Variants in IK observed in about 807,000 individuals in gnomAD.
IK encodes the protein protein Red.
In IK, 47 loss-of-function variants were observed where a neutral mutation model predicts 90.9. The observed-to-expected ratio is 0.52, with a 90% CI of 0.41 to 0.66. IK has a LOEUF of 0.66. Among genes scored for constraint, IK ranks in the 30% least tolerant of loss-of-function variants. The pLI is 0.00. For missense variants in IK, 385 were observed against 709.3 expected, an observed-to-expected ratio of 0.54 and a Z score of 5.19; for synonymous variants, 201 against 227.5, an observed-to-expected ratio of 0.88 and a Z score of 1.05.
At chr5:140,650,137 C>T (rs2149805247) in intron 2 of IK, among the ~76,000 whole-genome samples, 2 of 152,300 alleles carry the variant, frequency 1.3e-5, no homozygotes, top group South Asian at 4.2e-4. Context: ...CACCCCCATA[C>T]CTAACCAAGT....
intron 9 of IK, among the ~76,000 whole-genome samples, chr5:140,656,861 A>G (rs1410897571): frequency 6.6e-6 from 1 of 152,048 alleles, no homozygotes; most frequent in Non-Finnish European, 1.5e-5. Context: ...GGCCTTATTC[A>G]TTCTTTCTAT....
Position 140,659,102 on chromosome 5 carries a change from C to T in IK, c.1114C>T (p.Arg372Ter), listed in dbSNP as rs775332024. The T allele has an allele frequency of 6.8e-6, 11 of 1,610,022 alleles. No individual in the cohort carries two copies. Among genetic ancestry groups the T allele is most frequent in the African/African-American group, 1.3e-5 (1 of 74,786 alleles). The change falls in exon 12 of 20, where the codon CGA (arginine) becomes TGA (stop). Residue 372 changes from arginine (R) to a stop codon, truncating the protein, a stop_gained. Transcript: ENST00000417647. LOFTEE classifies it high-confidence loss of function. ...RDRERERERDREREEEKKRHS... is the reference protein window; with the variant it reads ...RDRERERERD Reference sequence around the variant, plus strand: ...TCGGGAACGAGAGCGAGAGCGGGACCGAGAGAGAGAAGAGGAAAAGAAGAG... The same window carrying T: ...TCGGGAACGAGAGCGAGAGCGGGACTGAGAGAGAGAAGAGGAAAAGAAGAG...
intron 2 of IK, among the ~76,000 whole-genome samples, chr5:140,650,544 T>A (rs568908535): frequency 2.0e-5 from 3 of 152,336 alleles, no homozygotes; most frequent in Admixed American, 1.3e-4. Flanking sequence ...CTCCAGCTAA[T>A]AAACGCTTAG....
intron 2 of IK, among the ~76,000 whole-genome samples, chr5:140,649,569 C>A (rs1033689471): frequency 2.0e-5 from 3 of 151,322 alleles, no homozygotes; most frequent in Non-Finnish European, 4.4e-5. Flanking sequence ...ATCTTTTCCT[C>A]CCGTTGCCCA....
At chr5:140,657,470 T>C in intron 9 of IK, 84 bp from the exon 10 acceptor site, 1 of 942,992 alleles carries the variant, frequency 1.1e-6, no homozygotes, top group Non-Finnish European at 1.6e-6. Flanking sequence ...TGTAATTCAG[T>C]CTTTAGTTTG....
At chr5:140,654,424 A>G (rs890388273) in intron 6 of IK, 92 bp from the exon 7 acceptor site, 37 of 971,882 alleles carry the variant, frequency 3.8e-5, no homozygotes, top group Non-Finnish European at 5.6e-5. Flanking sequence ...CATGTTTAAT[A>G]TTATATTCTT....
chr5:140,648,192 C>T lies in IK; in HGVS notation c.16+268C>T, dbSNP rs528931052. The T allele has an allele frequency of 1.7e-5, 12 of 704,454 alleles. No individual in the cohort carries two copies. The East Asian group carries it at 3.2e-4, about 19-fold the overall frequency. 43.6% of individuals were successfully genotyped at this position (704,454 alleles called of 1,614,324 possible). On this transcript the variant is annotated intron_variant, in intron 1 of 19. Transcript: ENST00000417647. The stretch of plus-strand genomic sequence containing the variant: ...GTGGATCGCTTTCCCCCAGTCCTGT[C>T]CCCATACTTAATCCTGGGTTGCGCG...
At chr5:140,648,793 C>G in intron 2 of IK, 1 of 458,020 alleles carries the variant, frequency 2.2e-6, no homozygotes, top group Non-Finnish European at 3.9e-6. Flanking sequence ...ATAGGAATTA[C>G]TTCTTCCAAT....
intron 8 of IK, 63 bp downstream of exon 8, chr5:140,654,790 C>A: frequency 9.2e-7 from 1 of 1,090,602 alleles, no homozygotes; most frequent in South Asian, 1.4e-5. Flanking sequence ...ATTTAATGCT[C>A]TGGGAAGGAT....
chr5:140,656,896 CT>C (rs1757720527), intron 9 of IK, among the ~76,000 whole-genome samples: 4 of 152,142 alleles, frequency 2.6e-5, no homozygotes, highest in Admixed American at 2.6e-4. Flanking sequence ...TTAACCACCC[CT>C]ACCTCCCCTA....
At chr5:140,659,425 C>T (rs1757765320) in intron 13 of IK, 92 bp downstream of exon 13, 1 of 1,375,488 alleles carries the variant, frequency 7.3e-7, no homozygotes, top group East Asian at 2.3e-5. Flanking sequence ...ATTGGGGGAC[C>T]TCCTGGTTCT....
At chr5:140,652,945 A>G in intron 4 of IK, 32 bp from the exon 5 acceptor site, 1 of 1,608,272 alleles carries the variant, frequency 6.2e-7, no homozygotes, top group Non-Finnish European at 8.5e-7. Context: ...GCAGCTGATG[A>G]GCCTTATACA....
chr5:140,660,383 C>T (rs1057176326), intron 15 of IK, 188 bp downstream of exon 15: 10 of 545,488 alleles, frequency 1.8e-5, no homozygotes, highest in Middle Eastern at 9.5e-4. Context: ...CTGCAATCTC[C>T]ATCTCCCGGG....
chr5:140,656,201 TA>T (rs1757706586), intron 9 of IK, among the ~76,000 whole-genome samples: 1 of 152,208 alleles, frequency 6.6e-6, no homozygotes, highest in Non-Finnish European at 1.5e-5. Context: ...ATTAACTTAC[TA>T]TTTTTTTAGA....
In IK at chr5:140,660,207, C is replaced by T; in HGVS notation, c.1355+12C>T. On this transcript the variant is annotated intron_variant, in intron 15 of 19. Transcript: ENST00000417647. Reference sequence around the variant, plus strand: ...TGCTACCCAGCCACGTATGTGAAACCTGGTTAAGGAAGGGAGGCTGGGATG... The same window carrying T: ...TGCTACCCAGCCACGTATGTGAAACTTGGTTAAGGAAGGGAGGCTGGGATG... 1 of 1,597,022 alleles carries T rather than the reference C, an allele frequency of 6.3e-7. No homozygotes were observed.
At position 140,662,006 on chromosome 5, in the gene IK, C is replaced by T. The variant is rs1757808237; in HGVS notation, c.1610C>T (p.Ala537Val). ...GATCGCCAGTGGAAGAAGATTAGTG[C>T]AGTAAGTAGGATGGCCCCTTGGGTG... Reference protein sequence around the residue: ...ELDRQWKKISAIIEKRKKMEA... With the variant: ...ELDRQWKKISVIIEKRKKMEA... Residue 537 changes from alanine (A) to valine (V), a missense_variant and splice_region_variant, in exon 18 of 20, where the codon GCA (alanine) becomes GTA (valine). Physicochemically the swap from Ala to Val is moderately conservative, Grantham distance 64 (BLOSUM62 0). This residue lies in a region of IK where 29 missense variants were observed against 41.8 expected (regional missense o/e 0.69). Coordinates refer to ENST00000417647, the MANE Select transcript of IK (RefSeq NM_006083.4). 6.2e-7 allele frequency: 1 copy of T among 1,602,374 alleles called. No individual in the cohort carries two copies. Among genetic ancestry groups the T allele is most frequent in the Non-Finnish European group, 8.5e-7 (1 of 1,173,640 alleles).
At chr5:140,651,941 T>A in intron 3 of IK, 135 bp downstream of exon 3, 1 of 818,986 alleles carries the variant, frequency 1.2e-6, no homozygotes, top group Non-Finnish European at 2.1e-6. Flanking sequence ...ACTGCCCACC[T>A]ACAAATATTG....
chr5:140,657,926 AT>A (rs957763944), intron 10 of IK, among the ~76,000 whole-genome samples: 1 of 152,260 alleles, frequency 6.6e-6, no homozygotes, highest in African/African-American at 2.4e-5. Context: ...TTTAAAAGAG[AT>A]TTTTTGGTGA....
At chr5:140,653,181 A>G (rs761692337) in intron 5 of IK, 37 bp downstream of exon 5, 2 of 1,571,820 alleles carry the variant, frequency 1.3e-6, no homozygotes, top group East Asian at 4.5e-5. Context: ...TTCCCTCAGC[A>G]TCCGAGAGTC....
Sources: gnomAD v4.1 joint callset for allele counts (sites outside exome capture counted in the v4.1 genomes callset) on GRCh38, gnomAD v4.1.1 for gene constraint, gnomAD v4.1.1 regional missense constraint, MANE v1.5 for transcripts, NCBI Gene and HGNC (gene_info 2026-07-23, HGNC 2026-07-21) for gene names.